Variants in TENM3 observed in about 807,000 individuals in gnomAD.
TENM3 encodes the protein teneurin transmembrane protein 3, also known as teneurin-3.
TENM3 carries 63 observed loss-of-function variants against 255.1 expected under a neutral mutation model. The observed-to-expected ratio is 0.25, with a 90% CI of 0.20 to 0.30. TENM3 has a LOEUF of 0.30. TENM3 is among the 10% of genes least tolerant of loss of function. The pLI, the probability that TENM3 is intolerant of heterozygous loss-of-function variation, is 1.00. For synonymous variants in TENM3, 1,306 were observed against 1,322.3 expected (o/e 0.99, Z 0.27); for missense variants, 2,929 against 3,461.1 (o/e 0.85, Z 3.86).
chr4:182,316,087 C>T (rs945928474), intron 1 of TENM3, among the ~76,000 whole-genome samples: 5 of 152,082 alleles, frequency 3.3e-5, no homozygotes, highest in African/African-American at 1.2e-4. Context: ...ATATTATTTT[C>T]CTTCTTCTTT....
At chr4:182,392,747 C>T (rs939768673) in intron 3 of TENM3, among the ~76,000 whole-genome samples, 4 of 152,238 alleles carry the variant, frequency 2.6e-5, no homozygotes, top group South Asian at 2.1e-4. Flanking sequence ...GAGAGGGCAT[C>T]GCCACACAAA....
the TENM3 span, among the ~76,000 whole-genome samples, chr4:181,571,417 A>T: frequency 6.6e-6 from 1 of 152,088 alleles, no homozygotes; most frequent in Non-Finnish European, 1.5e-5. Flanking sequence ...GTTCACTATA[A>T]CCTTGAACTC....
the TENM3 span, among the ~76,000 whole-genome samples, chr4:181,552,020 T>C: frequency 5.6e-4 from 85 of 151,974 alleles, no homozygotes; most frequent in African/African-American, 1.9e-3. Flanking sequence ...GATGTTTATG[T>C]GGGGTGGGAG....
At chr4:182,638,488 GC>G (rs138014331) in intron 5 of TENM3, among the ~76,000 whole-genome samples, 1 of 151,938 alleles carries the variant, frequency 6.6e-6, no homozygotes, top group Non-Finnish European at 1.5e-5. Flanking sequence ...TTACTCTGAG[GC>G]CCCCCCATTG....
chr4:182,067,454 G>A, the TENM3 span, among the ~76,000 whole-genome samples: 1 of 152,158 alleles, frequency 6.6e-6, no homozygotes, highest in African/African-American at 2.4e-5. Flanking sequence ...TTTAGTGTGA[G>A]TTTGAGGCCA....
the TENM3 span, among the ~76,000 whole-genome samples, chr4:181,809,062 G>A: frequency 6.6e-6 from 1 of 152,202 alleles, no homozygotes; most frequent in African/African-American, 2.4e-5. Context: ...TGATGTGGCT[G>A]ATAAAAACAT....
the TENM3 span, among the ~76,000 whole-genome samples, chr4:181,741,609 ATG>A: frequency 2.0e-5 from 3 of 152,292 alleles, no homozygotes; most frequent in Admixed American, 6.5e-5. Context: ...AGTTGGTAAA[ATG>A]TGCCTGAATT....
At chr4:181,902,948 G>T in the TENM3 span, among the ~76,000 whole-genome samples, 1 of 152,128 alleles carries the variant, frequency 6.6e-6, no homozygotes, top group Non-Finnish European at 1.5e-5. Context: ...ATTTAAGTAC[G>T]TTGTGTTTTA....
At chr4:181,593,822 A>C in the TENM3 span, among the ~76,000 whole-genome samples, 1 of 152,150 alleles carries the variant, frequency 6.6e-6, no homozygotes, top group South Asian at 2.1e-4. Context: ...TGACAGTTGG[A>C]GGTATGGAAA....
chr4:182,731,698 T>G (rs1160530728), intron 16 of TENM3, among the ~76,000 whole-genome samples: 1 of 11,622 alleles, frequency 8.6e-5, no homozygotes, highest in South Asian at 2.6e-3. Context: ...TGTTGGGGTG[T>G]GTGTGTGTGT....
In TENM3 at chr4:182,729,134, A is replaced by T; in HGVS notation, c.2538A>T (p.Gly846=). The change falls in exon 14 of 28, where the codon GGA becomes GGT. Residue 846 remains glycine (G), a synonymous_variant. Transcript: ENST00000511685. ...SFYDRISFLI[G]SDSTHVIPGE... is the part of the protein sequence containing the mutation. The stretch of plus-strand genomic sequence containing the variant: ...ATGATCGAATCAGTTTCCTTATAGG[A>T]TCTGATAGCACCCATGTTATACCTG... The T allele has an allele frequency of 6.2e-7, 1 of 1,614,024 alleles. No individual in the cohort carries two copies. Among genetic ancestry groups the T allele is most frequent in the African/African-American group, 1.3e-5 (1 of 75,050 alleles).
At chr4:182,622,807 C>T (rs941305977) in intron 4 of TENM3, among the ~76,000 whole-genome samples, 7 of 152,212 alleles carry the variant, frequency 4.6e-5, no homozygotes, top group African/African-American at 1.7e-4. Context: ...TGAACACCTA[C>T]AACATGCCAA....
At chr4:181,789,218 ATTTATTTTATTTTAT>A in the TENM3 span, among the ~76,000 whole-genome samples, 15 of 145,550 alleles carry the variant, frequency 1.0e-4, no homozygotes, top group South Asian at 2.2e-4. Context: ...AGCCCCCTTT[ATTTATTTTATTTTAT>A]TTTATTTTAT....
chr4:181,495,918 A>G, the TENM3 span, among the ~76,000 whole-genome samples: 19 of 150,330 alleles, frequency 1.3e-4, no homozygotes, highest in Admixed American at 6.6e-5. Flanking sequence ...AAAAAAAAAA[A>G]AAAAGAAACA....
the TENM3 span, among the ~76,000 whole-genome samples, chr4:181,866,835 C>T: frequency 6.6e-6 from 1 of 152,156 alleles, no homozygotes; most frequent in Admixed American, 6.5e-5. Flanking sequence ...ACTCCTTCCT[C>T]TTCTCTGATT....
At chr4:182,614,775 T>G (rs1749317968) in intron 4 of TENM3, among the ~76,000 whole-genome samples, 1 of 151,882 alleles carries the variant, frequency 6.6e-6, no homozygotes, top group African/African-American at 2.4e-5. Context: ...GAAAACACTT[T>G]CTCTTTAACT....
At chr4:181,451,822 G>A in the TENM3 span, among the ~76,000 whole-genome samples, 3 of 152,176 alleles carry the variant, frequency 2.0e-5, no homozygotes, top group Non-Finnish European at 4.4e-5. Context: ...ATAAATCTGG[G>A]CCAAAGATCT....
At chr4:181,500,686 C>G in the TENM3 span, among the ~76,000 whole-genome samples, 1 of 152,130 alleles carries the variant, frequency 6.6e-6, no homozygotes, top group Non-Finnish European at 1.5e-5. Context: ...GTATCATATT[C>G]ACATGTTTAT....
At chr4:181,553,284 T>TGTGTGG in the TENM3 span, among the ~76,000 whole-genome samples, 1 of 118,866 alleles carries the variant, frequency 8.4e-6, no homozygotes, top group Non-Finnish European at 1.8e-5. Flanking sequence ...TGTGTGTGTG[T>TGTGTGG]GTGTGTGTGT....
Sources: gnomAD v4.1 joint callset for allele counts (sites outside exome capture counted in the v4.1 genomes callset) on GRCh38, gnomAD v4.1.1 for gene constraint, MANE v1.5 for transcripts, NCBI Gene and HGNC (gene_info 2026-07-23, HGNC 2026-07-21) for gene names.